DPYD: variants seen among roughly 807,000 people sequenced by gnomAD.
DPYD encodes dihydropyrimidine dehydrogenase.
DPYD carries 109 observed loss-of-function variants against 116.2 expected under a neutral mutation model. That is an observed-to-expected ratio of 0.94 (90% confidence interval 0.80 to 1.10). The LOEUF (loss-of-function observed/expected upper bound fraction) is 1.10, where lower values mean the gene tolerates loss of function less well. Ranked by LOEUF, DPYD falls within the 50% of genes least tolerant of loss-of-function variation. DPYD has a pLI of 0.00. For missense variants in DPYD, 1,302 were observed against 1,254.5 expected (o/e 1.04, Z -0.57); for synonymous variants, 440 against 432.0 (o/e 1.02, Z -0.23).
At chr1:97,481,723 C>A (rs1678327282) in intron 13 of DPYD, among the ~76,000 whole-genome samples, 1 of 152,086 alleles carries the variant, frequency 6.6e-6, no homozygotes, top group South Asian at 2.1e-4. Flanking sequence ...CTAAAAATGA[C>A]AAAATTCAAG....
intron 8 of DPYD, among the ~76,000 whole-genome samples, chr1:97,649,247 T>A (rs930288064): frequency 7.9e-5 from 12 of 152,080 alleles, no homozygotes; most frequent in African/African-American, 2.9e-4. Context: ...TAAAAATCAA[T>A]TTAATAAAGA....
intron 3 of DPYD, among the ~76,000 whole-genome samples, chr1:97,771,867 C>T (rs1157499123): frequency 4.6e-5 from 7 of 152,026 alleles, no homozygotes; most frequent in African/African-American, 1.7e-4. Flanking sequence ...TTTAAAGCAC[C>T]TTTTGTTTTA....
At chr1:97,683,278 T>C (rs949068230) in intron 7 of DPYD, among the ~76,000 whole-genome samples, 1 of 151,998 alleles carries the variant, frequency 6.6e-6, no homozygotes, top group Admixed American at 6.5e-5. Flanking sequence ...TGTTTCCTTG[T>C]GGGAGAGAAA....
intron 14 of DPYD, among the ~76,000 whole-genome samples, chr1:97,402,038 T>C (rs2101638678): frequency 6.6e-6 from 1 of 152,226 alleles, no homozygotes; most frequent in Middle Eastern, 3.4e-3. Context: ...TTATAGTAAG[T>C]CTTGAGGTTA....
At chr1:97,738,363 C>A (rs1431524212) in intron 4 of DPYD, among the ~76,000 whole-genome samples, 1 of 152,072 alleles carries the variant, frequency 6.6e-6, no homozygotes, top group African/African-American at 2.4e-5. Flanking sequence ...GTGTACCTTT[C>A]AAAACTAGAG....
chr1:97,684,001 GT>G (rs1468127680), intron 7 of DPYD, among the ~76,000 whole-genome samples: 2 of 152,170 alleles, frequency 1.3e-5, no homozygotes, highest in Non-Finnish European at 2.9e-5. Context: ...AATGAAGTAA[GT>G]TTACAACTCA....
At chr1:97,309,308 C>T (rs573052995) in intron 16 of DPYD, among the ~76,000 whole-genome samples, 69 of 150,044 alleles carry the variant, frequency 4.6e-4, no homozygotes, top group African/African-American at 1.5e-3. Flanking sequence ...GATTTGCAAT[C>T]TCTGTCACAG....
chr1:97,427,004 TAGA>T (rs1284452343), intron 14 of DPYD, among the ~76,000 whole-genome samples: 3 of 152,088 alleles, frequency 2.0e-5, no homozygotes, highest in African/African-American at 7.2e-5. Context: ...TCAGAGTTGG[TAGA>T]AGAAGGACTT....
At chr1:97,330,501 T>C (rs1438848629) in intron 16 of DPYD, among the ~76,000 whole-genome samples, 2 of 152,324 alleles carry the variant, frequency 1.3e-5, no homozygotes, top group East Asian at 1.9e-4. Context: ...ACTGCTACTC[T>C]ATCTGCCAGA....
intron 3 of DPYD, among the ~76,000 whole-genome samples, chr1:97,741,359 T>C (rs1187041205): frequency 3.3e-5 from 5 of 152,258 alleles, no homozygotes; most frequent in Admixed American, 2.0e-4. Flanking sequence ...TGGCCAGAGA[T>C]GTATTCAAAC....
chr1:97,516,197 CATACTGAGATTCAA>C (rs919746737), intron 12 of DPYD, among the ~76,000 whole-genome samples: 12 of 151,890 alleles, frequency 7.9e-5, no homozygotes, highest in Non-Finnish European at 1.6e-4. Flanking sequence ...GTATTTAAAA[CATACTGAGATTCAA>C]ATACAAAAGG....
chr1:97,410,192 T>A (rs1484499835), intron 14 of DPYD, among the ~76,000 whole-genome samples: 1 of 152,066 alleles, frequency 6.6e-6, no homozygotes, highest in East Asian at 1.9e-4. Context: ...TTATTGTCTT[T>A]CTCTCTGCAG....
At chr1:97,866,909 A>G (rs901003861) in intron 2 of DPYD, among the ~76,000 whole-genome samples, 5 of 151,906 alleles carry the variant, frequency 3.3e-5, no homozygotes, top group Non-Finnish European at 5.9e-5. Context: ...GACAGTGACT[A>G]GGAGCCTGGG....
At chr1:97,859,964 T>G (rs1205279540) in intron 2 of DPYD, among the ~76,000 whole-genome samples, 1 of 151,854 alleles carries the variant, frequency 6.6e-6, no homozygotes, top group Admixed American at 6.6e-5. Flanking sequence ...ATATAAATAT[T>G]TGTAACCATT....
intron 3 of DPYD, among the ~76,000 whole-genome samples, chr1:97,822,442 A>G (rs1434533399): frequency 2.0e-5 from 3 of 149,370 alleles, no homozygotes; most frequent in Non-Finnish European, 1.5e-5. Context: ...TTTATGTTAT[A>G]TACATATAAT....
intron 3 of DPYD, among the ~76,000 whole-genome samples, chr1:97,781,326 T>C (rs1307755577): frequency 7.9e-5 from 12 of 152,336 alleles, no homozygotes; most frequent in Non-Finnish European, 7.4e-5. Context: ...TTGATAAAAT[T>C]AGACATATGT....
At chr1:97,242,451 A>C (rs1246590784) in intron 18 of DPYD, among the ~76,000 whole-genome samples, 1 of 151,402 alleles carries the variant, frequency 6.6e-6, no homozygotes, top group African/African-American at 2.4e-5. Context: ...TTGGCAAAAA[A>C]GTATGTGATT....
intron 13 of DPYD, among the ~76,000 whole-genome samples, chr1:97,491,543 G>A (rs1678977350): frequency 6.6e-6 from 1 of 151,986 alleles, no homozygotes; most frequent in Admixed American, 6.6e-5. Context: ...ATGAAACAGA[G>A]TTGTGTAGCA....
intron 18 of DPYD, among the ~76,000 whole-genome samples, chr1:97,277,309 C>T (rs1438182052): frequency 6.6e-6 from 1 of 151,794 alleles, no homozygotes; most frequent in East Asian, 1.9e-4. Context: ...ACCCCAGCAT[C>T]ACACAAATTA....
Sources: gnomAD v4.1 joint callset for allele counts (sites outside exome capture counted in the v4.1 genomes callset) on GRCh38, gnomAD v4.1.1 for gene constraint, MANE v1.5 for transcripts, NCBI Gene and HGNC (gene_info 2026-07-23, HGNC 2026-07-21) for gene names.